The following ATP2A3 variants were observed in gnomAD, a reference collection of about 807,000 sequenced individuals.
ATP2A3 encodes ATPase sarcoplasmic/endoplasmic reticulum Ca2+ transporting 3, also known as sarcoplasmic/endoplasmic reticulum calcium ATPase 3.
Under a neutral mutation model 106.8 loss-of-function variants are expected in ATP2A3, and 61 were observed. That is an observed-to-expected ratio of 0.57 (90% CI 0.46 to 0.71). The LOEUF is 0.71. Among genes scored for constraint, ATP2A3 ranks in the 30% least tolerant of loss-of-function variants. The pLI is 0.00. For missense variants in ATP2A3, 1,201 were observed against 1,423.5 expected, an observed-to-expected ratio of 0.84 and a Z score of 2.52; for synonymous variants, 611 against 609.3, an observed-to-expected ratio of 1.00 and a Z score of -0.04.
Position 3,945,103 on chromosome 17 carries a change from C to G in ATP2A3, c.1141G>C (p.Glu381Gln). The change falls in exon 9 of 21, where the codon GAG (glutamate) becomes CAG (glutamine). Residue 381 changes from glutamate to glutamine, a missense_variant. Around this residue, in one of 2 missense-constraint regions of ATP2A3, gnomAD observed 935 missense variants for 1,176.7 expected, o/e 0.79. Transcript: ENST00000397041. ...EADAGSCLLHEFTISGTTYTP... is the reference protein window; with the variant it reads ...EADAGSCLLHQFTISGTTYTP... Reference sequence around the variant, plus strand: ...TACGTGGTACCCGAGATGGTGAACTCGTGCAAAAGGCAGGAGCCCGCATCG... The same window carrying G: ...TACGTGGTACCCGAGATGGTGAACTGGTGCAAAAGGCAGGAGCCCGCATCG... 1 of 1,548,242 alleles carries G rather than the reference C, an allele frequency of 6.5e-7. No individual in the cohort carries two copies. Among genetic ancestry groups the G allele is most frequent in the African/African-American group, 1.4e-5 (1 of 73,028 alleles).
intron 7 of ATP2A3, among the ~76,000 whole-genome samples, chr17:3,948,517 T>G (rs2054243417): frequency 6.6e-6 from 1 of 152,216 alleles, no homozygotes; most frequent in South Asian, 2.1e-4. Flanking sequence ...GCCCCCAACA[T>G]GCAGGGCCCA....
Position 3,950,595 on chromosome 17 carries a change from A to G in ATP2A3, c.546T>C (p.Gly182=). The G allele has an allele frequency of 1.2e-6, 2 of 1,614,028 alleles. No homozygotes were observed. Among genetic ancestry groups the G allele is most frequent in the Non-Finnish European group, 1.7e-6 (2 of 1,179,992 alleles). ...TLRVDQSILT[G]ESVSVTKHTE... ...TGTGCTTGGTCACGGACACAGATTC[A>G]CCTGGTCAGGGAATCAGAGATGAGA... The change falls in exon 7 of 21, where the codon GGT becomes GGC. Residue 182 remains glycine, a splice_region_variant and synonymous_variant. Coordinates refer to ENST00000397041, the MANE Select transcript of ATP2A3 (RefSeq NM_005173.4).
rs112097068 is a variant in ATP2A3, at chr17:3,935,329, G to C, written c.2525-52C>G. On this transcript the variant is annotated intron_variant, in intron 16 of 20. Coordinates refer to ENST00000397041, the MANE Select transcript of ATP2A3 (RefSeq NM_005173.4). ...TAGAGAATGGCGGTGGTTTTCTGGC[G>C]TCTGTTTCCCCTGCCTAATAATTCC... The C allele has an allele frequency of 3.3e-6, 5 of 1,536,740 alleles. No individual in the cohort carries two copies. In the Admixed American group the frequency reaches 8.4e-5, roughly 26 times the overall value.
At chr17:3,934,008 C>G (rs2053275895) in intron 17 of ATP2A3, among the ~76,000 whole-genome samples, 2 of 151,022 alleles carry the variant, frequency 1.3e-5, no homozygotes, top group African/African-American at 2.5e-5. Flanking sequence ...ACTGCAACTT[C>G]CGCCTCTCGG....
At chr17:3,948,198 A>G (rs1373093624) in intron 7 of ATP2A3, among the ~76,000 whole-genome samples, 4 of 152,234 alleles carry the variant, frequency 2.6e-5, no homozygotes, top group Non-Finnish European at 5.9e-5. Context: ...GTAAACAATC[A>G]CTATAGCCAC....
intron 14 of ATP2A3, among the ~76,000 whole-genome samples, chr17:3,940,758 T>A (rs1381530940): frequency 6.6e-6 from 1 of 152,230 alleles, no homozygotes; most frequent in African/African-American, 2.4e-5. Context: ...TCCGCCCGCC[T>A]CAGCCTCCCA....
At chr17:3,931,979 G>A (rs1767515787) in intron 17 of ATP2A3, among the ~76,000 whole-genome samples, 1 of 152,080 alleles carries the variant, frequency 6.6e-6, no homozygotes, top group Admixed American at 6.5e-5. Flanking sequence ...TCTGAGTATC[G>A]TTTCTCCTCT....
intron 17 of ATP2A3, 198 bp downstream of exon 17, chr17:3,934,994 T>C: frequency 1.6e-6 from 1 of 615,110 alleles, no homozygotes; most frequent in Non-Finnish European, 2.9e-6. Context: ...GAGGCGCCTT[T>C]GGCTTGGGGG....
Position 3,928,928 on chromosome 17 carries a change from A to C in ATP2A3, c.2863-148T>G. The C allele has an allele frequency of 4.9e-6, 3 of 613,914 alleles. No homozygotes were observed. The highest frequency in any genetic ancestry group is 8.5e-6 in the Non-Finnish European group (3 of 353,810). 38.0% of individuals were successfully genotyped at this position (613,914 alleles called of 1,614,324 possible). A position where few individuals can be genotyped will look rare whatever the true frequency, so the allele number is the denominator to read the frequency against. On this transcript the variant is annotated intron_variant, in intron 19 of 20. Coordinates refer to ENST00000397041, the MANE Select transcript of ATP2A3 (RefSeq NM_005173.4). This position sits in a 1 kb window ranked among gnomAD's most constrained non-coding sequence, Gnocchi z 6.1. ...CTGGATGCACCCCCGATCTTTGTCC[A>C]CTCAGCTGCACCCCCCGATCTTTGT...
chr17:3,924,685 G>A lies in ATP2A3; in HGVS notation c.*737C>T, dbSNP rs565865916. 303 of 427,076 alleles carry A rather than the reference G, an allele frequency of 7.1e-4. 1 individual carries two copies. Among genetic ancestry groups the A allele is most frequent in the African/African-American group, 5.4e-3 (267 of 49,134 alleles). 26.5% of individuals were successfully genotyped at this position (427,076 alleles called of 1,614,324 possible). A position where few individuals can be genotyped will look rare whatever the true frequency, so the allele number is the denominator to read the frequency against. ...GGAACCCTGAGTCCAGGAGGCGCGC[G>A]GGGCTGAGGCAGTCCAGCCAGGCTT... is the stretch of plus-strand genomic sequence containing the variant. On this transcript the variant is annotated 3_prime_UTR_variant, in exon 21 of 21. Coordinates refer to ENST00000397041, the MANE Select transcript of ATP2A3 (RefSeq NM_005173.4). The surrounding 1 kb of genome is among the most constrained non-coding windows in gnomAD (Gnocchi z 6.4).
intron 7 of ATP2A3, among the ~76,000 whole-genome samples, chr17:3,948,121 G>A (rs562729732): frequency 5.9e-5 from 9 of 152,268 alleles, no homozygotes; most frequent in East Asian, 5.8e-4. Flanking sequence ...GAGGAGGCAC[G>A]GGGGCTGATA....
chr17:3,941,993 G>A (rs951300599), intron 12 of ATP2A3, among the ~76,000 whole-genome samples: 1 of 152,184 alleles, frequency 6.6e-6, no homozygotes, highest in African/African-American at 2.4e-5. Context: ...TGCTTCCCTG[G>A]TGCTACTCGG....
rs1440996571 is a variant in ATP2A3, at chr17:3,929,247, G to A, written c.2862+81C>T. Reference sequence around the variant, plus strand: ...CTCCTCCAGGTAGTTTCCATTGCAGGGGGGCCAGAGAGGTCCAGTGACCAG... The same window carrying A: ...CTCCTCCAGGTAGTTTCCATTGCAGAGGGGCCAGAGAGGTCCAGTGACCAG... On this transcript the variant is annotated intron_variant, in intron 19 of 20. Coordinates refer to ENST00000397041, the MANE Select transcript of ATP2A3 (RefSeq NM_005173.4). The surrounding 1 kb of genome is among the most constrained non-coding windows in gnomAD (Gnocchi z 4.3). The A allele has an allele frequency of 1.7e-5, 22 of 1,293,194 alleles. No individual in the cohort carries two copies. The highest frequency in any genetic ancestry group is 2.4e-5 in the Non-Finnish European group (22 of 926,160). 80.1% of individuals were successfully genotyped at this position (1,293,194 alleles called of 1,614,324 possible).
chr17:3,958,875 C>T (rs375121485), intron 1 of ATP2A3, among the ~76,000 whole-genome samples: 6,544 of 96,584 alleles, frequency 0.068, 623 homozygotes, highest in Middle Eastern at 0.14. Flanking sequence ...TATATACACA[C>T]ACACACACAC....
chr17:3,951,769 T>C lies in ATP2A3; in HGVS notation c.220-84A>G, dbSNP rs75093199. ...TTCCTTGGCACCCCGGATCTCCTGCTTGCTTCCCTGCTTTGGGGAGATAGC... is the reference window on the plus strand; with the variant it reads ...TTCCTTGGCACCCCGGATCTCCTGCCTGCTTCCCTGCTTTGGGGAGATAGC... On this transcript the variant is annotated intron_variant, in intron 3 of 20. Coordinates refer to ENST00000397041, the MANE Select transcript of ATP2A3 (RefSeq NM_005173.4). 1,954 of 1,328,488 alleles carry C rather than the reference T, an allele frequency of 1.5e-3. 85 individuals are homozygous for C. The East Asian group carries it at 0.048, about 33-fold the overall frequency. 82.3% of individuals were successfully genotyped at this position (1,328,488 alleles called of 1,614,324 possible).
Position 3,964,160 on chromosome 17 carries a change from G to A in ATP2A3, c.118+14C>T. On this transcript the variant is annotated intron_variant, in intron 1 of 20. Transcript: ENST00000397041. Reference sequence around the variant, plus strand: ...GGCCCCCGCTCCCCGGCCCGGCCCGGCCCGCGCGCTCACCGTTGGGGCCGT... The same window carrying A: ...GGCCCCCGCTCCCCGGCCCGGCCCGACCCGCGCGCTCACCGTTGGGGCCGT... 8.7e-7 allele frequency: 1 copy of A among 1,145,864 alleles called. No individual in the cohort carries two copies. Among genetic ancestry groups the A allele is most frequent in the Non-Finnish European group, 1.1e-6 (1 of 931,320 alleles). 71.0% of individuals were successfully genotyped at this position (1,145,864 alleles called of 1,614,324 possible). A position where few individuals can be genotyped will look rare whatever the true frequency, so the allele number is the denominator to read the frequency against.
chr17:3,952,587 G>A (rs896018711), intron 3 of ATP2A3, among the ~76,000 whole-genome samples: 12 of 152,048 alleles, frequency 7.9e-5, no homozygotes, highest in Non-Finnish European at 1.5e-4. Flanking sequence ...GGCAATGTCC[G>A]AAGACATTTT....
intron 7 of ATP2A3, among the ~76,000 whole-genome samples, 195 bp downstream of exon 7, chr17:3,950,316 C>T (rs1383835416): frequency 1.3e-5 from 2 of 151,554 alleles, no homozygotes; most frequent in African/African-American, 4.8e-5. Context: ...CACACGCCAC[C>T]ACCCCCAGCT....
intron 3 of ATP2A3, 86 bp from the exon 4 acceptor site, chr17:3,951,771 G>T: frequency 3.1e-6 from 4 of 1,309,876 alleles, no homozygotes; most frequent in Non-Finnish European, 4.3e-6. Context: ...TCTCCTGCTT[G>T]CTTCCCTGCT....
Sources: allele counts gnomAD v4.1 joint callset (sites outside exome capture counted in the v4.1 genomes callset), GRCh38; gene constraint gnomAD v4.1.1; regional missense constraint gnomAD v4.1.1; non-coding constraint Gnocchi (gnomAD v3.1); transcripts MANE v1.5; gene names NCBI Gene and HGNC (gene_info 2026-07-23, HGNC 2026-07-21).